Variants in SZT2 observed in about 807,000 individuals in gnomAD.
The protein encoded by SZT2 is KICSTOR complex protein SZT2.
Under a neutral mutation model 404.2 loss-of-function variants are expected in SZT2, and 216 were observed. The observed-to-expected ratio is 0.53, with a 90% CI of 0.48 to 0.60. The LOEUF (loss-of-function observed/expected upper bound fraction) is 0.60. Ranked by LOEUF, SZT2 falls within the 20% of genes least tolerant of loss-of-function variation. The pLI is 0.00. For missense variants in SZT2, 3,857 were observed against 4,459.2 expected (o/e 0.86, Z 3.85); for synonymous variants, 1,693 against 1,749.9 (o/e 0.97, Z 0.81).
At chr1:43,393,428 A>G (rs940668828) in intron 1 of SZT2, among the ~76,000 whole-genome samples, 15 of 152,214 alleles carry the variant, frequency 9.9e-5, no homozygotes, top group Non-Finnish European at 1.6e-4. Flanking sequence ...CCAAAACTAT[A>G]TAGTTAATAA....
At chr1:43,417,236 T>C (rs917939138) in intron 7 of SZT2, among the ~76,000 whole-genome samples, 1 of 152,190 alleles carries the variant, frequency 6.6e-6, no homozygotes, top group Admixed American at 6.5e-5. Context: ...GGGAGGCTAC[T>C]AATTGCAGTG....
At position 43,414,987 on chromosome 1, in the gene SZT2, G is replaced by A. The variant is rs372740458; in HGVS notation, c.499-95G>A. On this transcript the variant is annotated intron_variant, in intron 4 of 71. Coordinates refer to ENST00000634258, the MANE Select transcript of SZT2 (RefSeq NM_001365999.1). The stretch of plus-strand genomic sequence containing the variant: ...CCTGGTTGGGTAGGAAGTCAGGATC[G>A]CCTAGATGGAGCTATGGAGAATAAA... 64 of 1,462,386 alleles carry A rather than the reference G, an allele frequency of 4.4e-5. 1 individual carries two copies. Among genetic ancestry groups the A allele is most frequent in the Middle Eastern group, 2.1e-4 (1 of 4,654 alleles). 90.6% of individuals were successfully genotyped at this position (1,462,386 alleles called of 1,614,324 possible).
Position 43,452,658 on chromosome 1 carries a change from G to A in SZT2, c.*2178G>A. On this transcript the variant is annotated 3_prime_UTR_variant, in exon 72 of 72. Coordinates refer to ENST00000634258, the MANE Select transcript of SZT2 (RefSeq NM_001365999.1). ...TGCTTGCCCTTCTCAGGTATTCCAT[G>A]CTGCTGTCTCTACTTCCTCTCCTCG... The A allele has an allele frequency of 3.3e-6, 2 of 600,146 alleles. No homozygotes were observed. The highest frequency in any genetic ancestry group is 5.9e-6 in the Non-Finnish European group (2 of 336,990). 37.2% of individuals were successfully genotyped at this position (600,146 alleles called of 1,614,324 possible). A position where few individuals can be genotyped will look rare whatever the true frequency, so the allele number is the denominator to read the frequency against.
rs2153931424 is a variant in SZT2 at position 43,414,948 on chromosome 1, G to C, written c.499-134G>C. 3.5e-6 allele frequency: 4 copies of C among 1,145,434 alleles called. No homozygotes were observed. In the East Asian group the frequency reaches 1.1e-4, roughly 30 times the overall value. 71.0% of individuals were successfully genotyped at this position (1,145,434 alleles called of 1,614,324 possible). ...GGATAAGGGGGAAATTGGCTGTGGA[G>C]TCATACCTTAGACCCTGGTTGGGTA... On this transcript the variant is annotated intron_variant, in intron 4 of 71. Coordinates refer to ENST00000634258, the MANE Select transcript of SZT2 (RefSeq NM_001365999.1).
Position 43,425,635 on chromosome 1 carries a change from C to T in SZT2, c.2807C>T (p.Pro936Leu), listed in dbSNP as rs756184903. 5.6e-6 allele frequency: 9 copies of T among 1,613,862 alleles called. No individual in the cohort carries two copies. The highest frequency in any genetic ancestry group is 1.3e-5 in the African/African-American group (1 of 75,020). Residue 936 changes from proline (P) to leucine (L), a missense_variant, in exon 19 of 72, where the codon CCG becomes CTG. Around this residue, in one of 7 missense-constraint regions of SZT2, gnomAD observed 1,725 missense variants for 1,881.0 expected, o/e 0.92. Transcript: ENST00000634258. The surrounding 1 kb of genome is among the most constrained non-coding windows in gnomAD (Gnocchi z 4.3). The part of the protein sequence containing the change: ...HLQDLTYSEI[P>L]QALHPRDAAC... ...CAGGACCTGACGTATTCTGAGATCC[C>T]GCAAGCTGTGAGTGTCCTCAGAACA...
intron 7 of SZT2, among the ~76,000 whole-genome samples, chr1:43,419,406 A>G (rs1358878879): frequency 6.6e-6 from 1 of 152,222 alleles, no homozygotes; most frequent in East Asian, 1.9e-4. Context: ...CTAAAGTTTG[A>G]GAAGTGTTGG....
chr1:43,449,972 A>G (rs1010343137), intron 70 of SZT2, 131 bp from the exon 71 acceptor site: 8 of 1,063,508 alleles, frequency 7.5e-6, no homozygotes, highest in South Asian at 2.6e-5. Context: ...ACACGGTCCT[A>G]TGTGACCTCA....
chr1:43,422,687 T>G (rs1215969922), intron 13 of SZT2, 55 bp downstream of exon 13: 16 of 768,864 alleles, frequency 2.1e-5, no homozygotes, highest in African/African-American at 4.5e-5. Flanking sequence ...CGCCACCTCA[T>G]CCCATGTCTC....
At chr1:43,416,229 G>T in intron 6 of SZT2, 128 bp downstream of exon 6, 1 of 1,272,526 alleles carries the variant, frequency 7.9e-7, no homozygotes, top group African/African-American at 1.5e-5. Flanking sequence ...TTCCTTGTTT[G>T]CAAAATGTAA....
At position 43,453,645 on chromosome 1, in the gene SZT2, C is replaced by T; in HGVS notation, c.*3165C>T. ...CCGCAGCCCCGCTTCTCGCGCGGCG[C>T]GCGCCAGCGCCTCAGGCGTCTCCGC... On this transcript the variant is annotated 3_prime_UTR_variant, in exon 72 of 72. Transcript: ENST00000634258. The T allele has an allele frequency of 6.7e-7, 1 of 1,490,540 alleles. No individual in the cohort carries two copies. The highest frequency in any genetic ancestry group is 8.9e-7 in the Non-Finnish European group (1 of 1,127,432). The allele number at this position is 1,490,540 out of a possible 1,614,324, so 92.3% of individuals were successfully genotyped here. A position where few individuals can be genotyped will look rare whatever the true frequency, so the allele number is the denominator to read the frequency against.
chr1:43,442,034 C>T lies in SZT2; in HGVS notation c.7777C>T (p.Pro2593Ser). Residue 2593 changes from proline to serine, a missense_variant, in exon 56 of 72, where the codon CCT (proline) becomes TCT (serine). By Grantham distance (74) the Pro-to-Ser change is moderately conservative. This residue lies in a region of SZT2 where 573 missense variants were observed against 592.4 expected (regional missense o/e 0.97). Transcript: ENST00000634258. The surrounding 1 kb of genome is among the most constrained non-coding windows in gnomAD (Gnocchi z 4.5). ...SEPEIFGPCSPGQLGPSPRPA... is the reference protein window; with the variant it reads ...SEPEIFGPCSSGQLGPSPRPA... ...GCCAGAGATCTTCGGCCCTTGTTCC[C>T]CTGGGCAACTGGGCCCCTCTCCCCG... The T allele has an allele frequency of 6.2e-7, 1 of 1,614,044 alleles. No homozygotes were observed. The highest frequency in any genetic ancestry group is 8.5e-7 in the Non-Finnish European group (1 of 1,179,988).
At chr1:43,391,663 A>G (rs1648333020) in intron 1 of SZT2, among the ~76,000 whole-genome samples, 1 of 152,232 alleles carries the variant, frequency 6.6e-6, no homozygotes, top group African/African-American at 2.4e-5. Flanking sequence ...AAGTGAAAGG[A>G]GGTGGAGGGA....
At chr1:43,400,526 T>G (rs1173895071) in intron 1 of SZT2, among the ~76,000 whole-genome samples, 25 of 152,210 alleles carry the variant, frequency 1.6e-4, no homozygotes. Context: ...GGACCTCTGT[T>G]TTCTCCTGTT....
At position 43,453,927 on chromosome 1, in the gene SZT2, CG is replaced by C; in HGVS notation, c.*3448del. 2 of 1,205,640 alleles carry C rather than the reference CG, an allele frequency of 1.7e-6. No homozygotes were observed. Among genetic ancestry groups the C allele is most frequent in the Non-Finnish European group, 2.1e-6 (2 of 971,428 alleles). 74.7% of individuals were successfully genotyped at this position (1,205,640 alleles called of 1,614,324 possible). A position where few individuals can be genotyped will look rare whatever the true frequency, so the allele number is the denominator to read the frequency against. ...CGAGCACTGTTCGTGGTTAGAAAAG[CG>C]AAGTGCTGTAAAAACCCGGGCCTTC... On this transcript the variant is annotated 3_prime_UTR_variant, in exon 72 of 72. Coordinates refer to ENST00000634258, the MANE Select transcript of SZT2 (RefSeq NM_001365999.1).
intron 15 of SZT2, among the ~76,000 whole-genome samples, chr1:43,423,545 G>GCAGGGTA (rs1652711867): frequency 6.7e-6 from 1 of 149,506 alleles, no homozygotes; most frequent in Non-Finnish European, 1.5e-5. Flanking sequence ...GCGTGGCTTA[G>GCAGGGTA]TGGGGTATGA....
At position 43,425,225 on chromosome 1, in the gene SZT2, TGA is replaced by T. The variant is rs1652993455; in HGVS notation, c.2645+20_2645+21del. 3.1e-6 allele frequency: 5 copies of T among 1,613,740 alleles called. No individual in the cohort carries two copies. The African/African-American group carries it at 6.7e-5, about 21-fold the overall frequency. On this transcript the variant is annotated intron_variant, in intron 18 of 71. Coordinates refer to ENST00000634258, the MANE Select transcript of SZT2 (RefSeq NM_001365999.1). The surrounding 1 kb of genome is among the most constrained non-coding windows in gnomAD (Gnocchi z 4.3). ...AAAGACAGGTGAGACAGGCCATCTG[TGA>T]GGGCCGCCTCTGCAGAGTCAGCCTT...
In SZT2 at chr1:43,414,120, A is replaced by G. The variant is rs189273866; in HGVS notation, c.499-962A>G. 5.3e-5 allele frequency among the ~76,000 whole-genome samples: 8 copies of G among 152,144 alleles called. No homozygotes were observed. The East Asian group carries it at 1.6e-3, about 30-fold the overall frequency. ...AACATGGTGAAACCCCGTCTCTACT[A>G]AAAATACAAAAATTACCTGGGTGTG... On this transcript the variant is annotated intron_variant, in intron 4 of 71. Coordinates refer to ENST00000634258, the MANE Select transcript of SZT2 (RefSeq NM_001365999.1).
chr1:43,426,531 C>A lies in SZT2; in HGVS notation c.3207C>A (p.His1069Gln), dbSNP rs1034893903. ...FLSEVLRRTCHVPGAEGPLLG... is the reference protein window; with the variant it reads ...FLSEVLRRTCQVPGAEGPLLG... ...GTGAGGTGCTGCGGCGGACCTGCCACGTTCCAGGTGAGTTCCCCACATCCT... is the reference window on the plus strand; with the variant it reads ...GTGAGGTGCTGCGGCGGACCTGCCAAGTTCCAGGTGAGTTCCCCACATCCT... Residue 1069 changes from histidine to glutamine, a missense_variant, in exon 22 of 72, where the codon CAC becomes CAA. Coordinates refer to ENST00000634258, the MANE Select transcript of SZT2 (RefSeq NM_001365999.1). This position sits in a 1 kb window ranked among gnomAD's most constrained non-coding sequence, Gnocchi z 4.9. The A allele has an allele frequency of 6.4e-7, 1 of 1,574,608 alleles. No individual in the cohort carries two copies. Among genetic ancestry groups the A allele is most frequent in the African/African-American group, 1.3e-5 (1 of 74,376 alleles).
In SZT2 at chr1:43,439,871, C is replaced by G. The variant is rs1267842526; in HGVS notation, c.7043-10C>G. 2 of 1,581,566 alleles carry G rather than the reference C, an allele frequency of 1.3e-6. No individual in the cohort carries two copies. Among genetic ancestry groups the G allele is most frequent in the East Asian group, 2.2e-5 (1 of 44,698 alleles). ...AGGGACACCCTCAAGTGTCCCTGTT[C>G]TCCTTCCAGCTCAGAATGGGGCCCC... On this transcript the variant is annotated splice_polypyrimidine_tract_variant and intron_variant, in intron 50 of 71. Transcript: ENST00000634258. The surrounding 1 kb of genome is among the most constrained non-coding windows in gnomAD (Gnocchi z 4.2).
Sources: gnomAD v4.1 joint callset for allele counts (sites outside exome capture counted in the v4.1 genomes callset) on GRCh38, gnomAD v4.1.1 for gene constraint, gnomAD v4.1.1 regional missense constraint, Gnocchi (gnomAD v3.1) non-coding constraint, MANE v1.5 for transcripts, NCBI Gene and HGNC (gene_info 2026-07-23, HGNC 2026-07-21) for gene names.